Variants in SNTG2 observed in about 807,000 individuals in gnomAD.
SNTG2 encodes gamma-2-syntrophin.
SNTG2 carries 74 observed loss-of-function variants against 70.9 expected under a neutral mutation model. The observed-to-expected ratio is 1.04, with a 90% CI of 0.86 to 1.27. The LOEUF (loss-of-function observed/expected upper bound fraction) is 1.27. Among genes scored for constraint, SNTG2 ranks in the 50% most tolerant of loss-of-function variants. SNTG2 has a pLI of 0.00. For missense variants in SNTG2, 717 were observed against 690.7 expected (o/e 1.04, Z -0.43); for synonymous variants, 278 against 273.8 (o/e 1.02, Z -0.15).
chr2:1,040,561 C>T (rs4073456), intron 1 of SNTG2, among the ~76,000 whole-genome samples: 14,357 of 152,180 alleles, frequency 0.094, 1,417 homozygotes, highest in African/African-American at 0.25. Context: ...GAGTTTCTGC[C>T]GGCCATTGCC....
At chr2:972,779 T>C (rs2147957822) in intron 1 of SNTG2, among the ~76,000 whole-genome samples, 1 of 152,224 alleles carries the variant, frequency 6.6e-6, no homozygotes, top group Admixed American at 6.5e-5. Flanking sequence ...ATATATGACC[T>C]CTTGCTCCCA....
intron 1 of SNTG2, among the ~76,000 whole-genome samples, chr2:985,212 C>A (rs541027685): frequency 7.1e-4 from 108 of 152,214 alleles, no homozygotes; most frequent in Non-Finnish European, 1.4e-3. Flanking sequence ...GCTTTTCCTG[C>A]TGAATTTATA....
rs564372050 is a variant in SNTG2, at chr2:1,263,800, G to A, written c.1078-3565G>A. On this transcript the variant is annotated intron_variant, in intron 13 of 16. Transcript: ENST00000308624. ...GAAGTTATGACAACATTTTTATCAC[G>A]ATTCCATTTCACAGCTCAAAAGTGG... Among the ~76,000 whole-genome samples the A allele has an allele frequency of 1.2e-3, 185 of 152,282 alleles. 1 individual carries two copies. The highest frequency in any genetic ancestry group is 1.6e-3 in the Non-Finnish European group (109 of 68,024).
intron 8 of SNTG2, among the ~76,000 whole-genome samples, chr2:1,206,188 G>A (rs963946087): frequency 3.9e-5 from 6 of 152,318 alleles, no homozygotes; most frequent in Non-Finnish European, 8.8e-5. Context: ...TGAGAATCAC[G>A]AGGCTCTGCT....
intron 1 of SNTG2, among the ~76,000 whole-genome samples, chr2:1,014,514 G>A (rs1436563924): frequency 8.8e-5 from 7 of 79,120 alleles, no homozygotes; most frequent in African/African-American, 8.8e-5. Flanking sequence ...GATTTATATG[G>A]GCAGAAAGAA....
chr2:1,300,453 G>A (rs961652847), intron 14 of SNTG2, among the ~76,000 whole-genome samples: 3 of 152,188 alleles, frequency 2.0e-5, no homozygotes, highest in African/African-American at 7.2e-5. Context: ...ACACCCCAGG[G>A]TGGGTCAGCA....
At chr2:957,405 C>T (rs371112959) in intron 1 of SNTG2, among the ~76,000 whole-genome samples, 58 of 152,068 alleles carry the variant, frequency 3.8e-4, no homozygotes, top group South Asian at 1.2e-3. Context: ...GGGGGTTTGG[C>T]GATGATTAAG....
intron 1 of SNTG2, among the ~76,000 whole-genome samples, chr2:969,828 A>G (rs1344108640): frequency 6.6e-6 from 1 of 151,910 alleles, no homozygotes; most frequent in Admixed American, 6.6e-5. Context: ...TTCAACTTTC[A>G]CTCTTCCTAT....
chr2:1,360,783 G>A (rs1402326947), intron 16 of SNTG2, among the ~76,000 whole-genome samples: 1 of 152,140 alleles, frequency 6.6e-6, no homozygotes, highest in Non-Finnish European at 1.5e-5. Context: ...ACTCAGGAAG[G>A]GGATGAGTGA....
chr2:1,187,485 G>T (rs1672319504), intron 8 of SNTG2, among the ~76,000 whole-genome samples: 1 of 152,128 alleles, frequency 6.6e-6, no homozygotes, highest in Non-Finnish European at 1.5e-5. Context: ...GCTCCAGCCT[G>T]CTGGCCCATC....
intron 16 of SNTG2, among the ~76,000 whole-genome samples, chr2:1,350,288 T>C (rs777123351): frequency 6.6e-6 from 1 of 152,198 alleles, no homozygotes; most frequent in Non-Finnish European, 1.5e-5. Context: ...GTAACCACAT[T>C]AGTTCCTGCT....
intron 14 of SNTG2, among the ~76,000 whole-genome samples, chr2:1,278,151 A>G (rs1679344114): frequency 6.6e-6 from 1 of 152,234 alleles, no homozygotes; most frequent in Admixed American, 6.5e-5. Flanking sequence ...GTTTCACGGT[A>G]TAACATGCAC....
At chr2:1,188,208 C>T (rs539556133) in intron 8 of SNTG2, among the ~76,000 whole-genome samples, 12 of 151,930 alleles carry the variant, frequency 7.9e-5, no homozygotes, top group Admixed American at 1.3e-4. Context: ...AGATACTTCA[C>T]GAATTATAAT....
At chr2:1,169,216 A>G (rs1670959017) in intron 7 of SNTG2, among the ~76,000 whole-genome samples, 2 of 152,122 alleles carry the variant, frequency 1.3e-5, no homozygotes. Flanking sequence ...AGAAGAGAAG[A>G]TAGTGGCTTG....
At chr2:977,782 C>T (rs998363868) in intron 1 of SNTG2, among the ~76,000 whole-genome samples, 1 of 152,092 alleles carries the variant, frequency 6.6e-6, no homozygotes, top group Admixed American at 6.5e-5. Flanking sequence ...CCATGTGGTT[C>T]TTCCATAACC....
chr2:1,083,575 C>T lies in SNTG2; in HGVS notation c.130C>T (p.Arg44Trp), dbSNP rs561349547. Residue 44 changes from arginine (R) to tryptophan (W), a missense_variant, in exon 2 of 17, where the codon CGG (arginine) becomes TGG (tryptophan). Arg to Trp is a moderately radical substitution (Grantham distance 101, BLOSUM62 -3). Coordinates refer to ENST00000308624, the MANE Select transcript of SNTG2 (RefSeq NM_018968.4). ...AGAGTCCGAAAATGCCTATGACATCCGGCTGAAGCTGACGAAAGAGGTGCT... is the reference window on the plus strand; with the variant it reads ...AGAGTCCGAAAATGCCTATGACATCTGGCTGAAGCTGACGAAAGAGGTGCT... Reference protein sequence around the residue: ...DEESENAYDIRLKLTKEVLTI... With the variant: ...DEESENAYDIWLKLTKEVLTI... The T allele has an allele frequency of 1.2e-4, 194 of 1,613,710 alleles. No homozygotes were observed. The highest frequency in any genetic ancestry group is 5.5e-4 in the Admixed American group (33 of 60,000).
chr2:1,198,792 T>C (rs1673088191), intron 8 of SNTG2, among the ~76,000 whole-genome samples: 1 of 151,932 alleles, frequency 6.6e-6, no homozygotes, highest in Non-Finnish European at 1.5e-5. Context: ...AGACAATAGA[T>C]AAATTCCTAG....
intron 8 of SNTG2, among the ~76,000 whole-genome samples, chr2:1,197,493 G>GTA (rs1672984663): frequency 1.1e-5 from 1 of 92,538 alleles, no homozygotes; most frequent in Non-Finnish European, 2.4e-5. Context: ...ATATGTGTAT[G>GTA]TATATATGTG....
At chr2:1,109,233 C>G (rs1275971653) in intron 4 of SNTG2, among the ~76,000 whole-genome samples, 1 of 152,032 alleles carries the variant, frequency 6.6e-6, no homozygotes, top group Admixed American at 6.5e-5. Context: ...TCTCGGTGAT[C>G]ACCCAGTTCA....
Sources: gnomAD v4.1 joint callset for allele counts (sites outside exome capture counted in the v4.1 genomes callset) on GRCh38, gnomAD v4.1.1 for gene constraint, MANE v1.5 for transcripts, NCBI Gene and HGNC (gene_info 2026-07-23, HGNC 2026-07-21) for gene names.